AEBP2: variants seen among roughly 807,000 people sequenced by gnomAD.
The protein encoded by AEBP2 is AE binding protein 2.
A neutral mutation model predicts 50.8 loss-of-function variants in AEBP2; 10 were observed. The observed-to-expected ratio is 0.20, with a 90% CI of 0.12 to 0.33. The LOEUF (loss-of-function observed/expected upper bound fraction) is 0.33. AEBP2 is among the 10% of genes least tolerant of loss of function. AEBP2 has a pLI of 1.00. For synonymous variants in AEBP2, 296 were observed against 261.3 expected (o/e 1.13, Z -1.28); for missense variants, 570 against 688.0 (o/e 0.83, Z 1.92).
chr12:19,457,803 C>G (rs61912771), intron 1 of AEBP2, among the ~76,000 whole-genome samples: 11,488 of 152,252 alleles, frequency 0.075, 504 homozygotes, highest in South Asian at 0.2. Context: ...TGCTTTATCT[C>G]AGGACCTACC....
At chr12:19,437,658 T>C (rs1191139713), upstream of AEBP2, among the ~76,000 whole-genome samples, 1 of 152,222 alleles carries the variant, frequency 6.6e-6, no homozygotes, top group Non-Finnish European at 1.5e-5. Context: ...TAGTTTTTAA[T>C]TTACAGTTTA....
chr12:19,412,482 G>T (rs2095739825), intron 1 of AEBP2, among the ~76,000 whole-genome samples: 2 of 152,028 alleles, frequency 1.3e-5, no homozygotes, highest in Admixed American at 1.3e-4. Flanking sequence ...GTTTCACCAT[G>T]TTGGCCAGGA....
chr12:19,518,218 CTTTTTTT>C lies in AEBP2; in HGVS notation c.*115_*121del, dbSNP rs34795094. The C allele has an allele frequency of 8.8e-6, 10 of 1,132,166 alleles. No individual in the cohort carries two copies. Among genetic ancestry groups the C allele is most frequent in the Admixed American group, 4.5e-5 (1 of 21,998 alleles). The allele number at this position is 1,132,166 out of a possible 1,614,324, so 70.1% of individuals were successfully genotyped here. A position where few individuals can be genotyped will look rare whatever the true frequency, so the allele number is the denominator to read the frequency against. On this transcript the variant is annotated 3_prime_UTR_variant, in exon 8 of 8. Coordinates refer to ENST00000266508, the MANE Select transcript of AEBP2 (RefSeq NM_153207.5). ...AGTTGCACATTAGAGTCAACCCCTT[CTTTTTTT>C]TTTTTTTTTTTTTAAATCCAGTATT...
chr12:19,423,506 T>C (rs766784411), intron 1 of AEBP2, among the ~76,000 whole-genome samples: 20 of 152,096 alleles, frequency 1.3e-4, no homozygotes, highest in Non-Finnish European at 2.4e-4. Context: ...TACAGGTTAA[T>C]ACATTTGGAA....
At chr12:19,485,708 CA>C (rs35033010) in intron 3 of AEBP2, among the ~76,000 whole-genome samples, 1,961 of 124,710 alleles carry the variant, frequency 0.016, 16 homozygotes, top group Middle Eastern at 0.022. Context: ...GACCCTGTCT[CA>C]AAAAAAAAAA....
upstream of AEBP2, among the ~76,000 whole-genome samples, chr12:19,436,325 T>C (rs1947861068): frequency 6.6e-6 from 1 of 152,134 alleles, no homozygotes; most frequent in Admixed American, 6.5e-5. Flanking sequence ...CCTGGAAAAC[T>C]CATGAATAAT....
intron 5 of AEBP2, among the ~76,000 whole-genome samples, chr12:19,501,167 T>TA (rs2120515181): frequency 6.6e-6 from 1 of 151,778 alleles, no homozygotes; most frequent in East Asian, 1.9e-4. Flanking sequence ...CTGTCTCTAC[T>TA]AAAAATACAA....
intron 4 of AEBP2, among the ~76,000 whole-genome samples, chr12:19,497,267 T>TA (rs1948997391): frequency 6.7e-6 from 1 of 149,062 alleles, no homozygotes; most frequent in South Asian, 2.1e-4. Context: ...AGATAAATCA[T>TA]ACAATATATG....
intron 1 of AEBP2, among the ~76,000 whole-genome samples, chr12:19,458,211 G>T (rs1320771346): frequency 6.6e-6 from 1 of 152,204 alleles, no homozygotes; most frequent in Non-Finnish European, 1.5e-5. Flanking sequence ...GTCCTCTACT[G>T]TTGCATCAGG....
At chr12:19,450,859 A>T (rs1306601918) in intron 1 of AEBP2, among the ~76,000 whole-genome samples, 3 of 142,178 alleles carry the variant, frequency 2.1e-5, no homozygotes, top group East Asian at 2.0e-4. Flanking sequence ...AAAAAGGGTC[A>T]TTTTTTTTTT....
intron 3 of AEBP2, among the ~76,000 whole-genome samples, chr12:19,477,718 T>C (rs1172396163): frequency 6.6e-6 from 1 of 152,232 alleles, no homozygotes; most frequent in Non-Finnish European, 1.5e-5. Flanking sequence ...GCATCTGTTA[T>C]CAGGGATATT....
At chr12:19,423,584 G>A (rs926707855) in intron 1 of AEBP2, among the ~76,000 whole-genome samples, 2 of 152,238 alleles carry the variant, frequency 1.3e-5, no homozygotes, top group Non-Finnish European at 1.5e-5. Context: ...GGGCAGGCAT[G>A]TTTAGCTTCC....
intron 3 of AEBP2, among the ~76,000 whole-genome samples, chr12:19,483,193 T>C: frequency 6.6e-6 from 1 of 152,178 alleles, no homozygotes; most frequent in East Asian, 1.9e-4. Context: ...CTAGTACCCT[T>C]GTGAGATATA....
chr12:19,466,159 C>A (rs868183316), intron 2 of AEBP2, among the ~76,000 whole-genome samples: 1 of 151,718 alleles, frequency 6.6e-6, no homozygotes, highest in Non-Finnish European at 1.5e-5. Context: ...AGATTTTTTT[C>A]TTTGAAATGA....
At chr12:19,515,700 T>A (rs1949307477) in intron 7 of AEBP2, among the ~76,000 whole-genome samples, 1 of 152,166 alleles carries the variant, frequency 6.6e-6, no homozygotes, top group Admixed American at 6.5e-5. Context: ...CTTTTTGGAG[T>A]GCTATTCACC....
Position 19,518,241 on chromosome 12 carries a change from A to G in AEBP2, c.*124A>G. 7.6e-6 allele frequency: 10 copies of G among 1,322,700 alleles called. No homozygotes were observed. Among genetic ancestry groups the G allele is most frequent in the Non-Finnish European group, 9.7e-6 (10 of 1,029,520 alleles). The allele number at this position is 1,322,700 out of a possible 1,614,324, so 81.9% of individuals were successfully genotyped here. On this transcript the variant is annotated 3_prime_UTR_variant, in exon 8 of 8. Coordinates refer to ENST00000266508, the MANE Select transcript of AEBP2 (RefSeq NM_153207.5). Reference sequence around the variant, plus strand: ...TTCTTTTTTTTTTTTTTTTTTTTAAATCCAGTATTTAGGATAATATTTATG... The same window carrying G: ...TTCTTTTTTTTTTTTTTTTTTTTAAGTCCAGTATTTAGGATAATATTTATG...
chr12:19,457,168 T>G, intron 1 of AEBP2: 4 of 1,597,670 alleles, frequency 2.5e-6, no homozygotes, highest in Non-Finnish European at 3.4e-6. Flanking sequence ...CTCAGTGGAA[T>G]CCATTTTGTT....
At chr12:19,422,040 G>A (rs1853722387) in intron 1 of AEBP2, among the ~76,000 whole-genome samples, 1 of 152,104 alleles carries the variant, frequency 6.6e-6, no homozygotes, top group Non-Finnish European at 1.5e-5. Context: ...TACTCGGGAG[G>A]CTGAGGCAGG....
chr12:19,486,097 A>T (rs1277168018), intron 3 of AEBP2, among the ~76,000 whole-genome samples: 1 of 152,058 alleles, frequency 6.6e-6, no homozygotes, highest in African/African-American at 2.4e-5. Context: ...ATATTTCAGT[A>T]AGACAAGATT....
Sources: gnomAD v4.1 joint callset for allele counts (sites outside exome capture counted in the v4.1 genomes callset) on GRCh38, gnomAD v4.1.1 for gene constraint, MANE v1.5 for transcripts, NCBI Gene and HGNC (gene_info 2026-07-23, HGNC 2026-07-21) for gene names.